RANBP17: variants seen among roughly 807,000 people sequenced by gnomAD.
RANBP17 encodes ran-binding protein 17.
In RANBP17, 158 loss-of-function variants were observed where a neutral mutation model predicts 141.2. The ratio of observed to expected loss-of-function variants is 1.12; its 90% CI spans 0.98 to 1.28. The LOEUF (loss-of-function observed/expected upper bound fraction) is 1.28. Among genes scored for constraint, RANBP17 ranks in the 50% most tolerant of loss-of-function variants. The pLI, the probability that RANBP17 is intolerant of heterozygous loss-of-function variation, is 0.00. For missense variants in RANBP17, 1,438 were observed against 1,290.7 expected (o/e 1.11, Z -1.75); for synonymous variants, 430 against 450.0 (o/e 0.96, Z 0.56).
chr5:170,941,893 C>G (rs1490038004), intron 12 of RANBP17, among the ~76,000 whole-genome samples: 1 of 152,114 alleles, frequency 6.6e-6, no homozygotes, highest in African/African-American at 2.4e-5. Flanking sequence ...ACCCATTGAC[C>G]TGACCCTTGA....
rs142830767 is a variant in RANBP17, at chr5:171,156,078, T to G, written c.1711-14052T>G. On this transcript the variant is annotated intron_variant, in intron 14 of 27. Transcript: ENST00000523189. ...TCATTAAGATTTTAAAAGCAATTCT[T>G]ATGGATATGTGAAGATAATATTCTT... Among the ~76,000 whole-genome samples, 1,029 of 152,190 alleles carry G rather than the reference T, an allele frequency of 6.8e-3. 10 individuals are homozygous for G. Among genetic ancestry groups the G allele is most frequent in the African/African-American group, 0.024 (993 of 41,556 alleles).
chr5:171,251,774 C>G, intron 24 of RANBP17: 1 of 1,061,832 alleles, frequency 9.4e-7, no homozygotes, highest in Non-Finnish European at 1.5e-6. Context: ...CGCGCCCGCC[C>G]CCGCCTCTGT....
At chr5:171,283,247 T>TA (rs1767958770) in intron 25 of RANBP17, among the ~76,000 whole-genome samples, 1 of 152,186 alleles carries the variant, frequency 6.6e-6, no homozygotes, top group Non-Finnish European at 1.5e-5. Context: ...CTATACTGTG[T>TA]ATCTCCTCCC....
At chr5:171,125,970 T>C (rs925901083) in intron 14 of RANBP17, among the ~76,000 whole-genome samples, 3 of 152,078 alleles carry the variant, frequency 2.0e-5, no homozygotes, top group African/African-American at 4.8e-5. Flanking sequence ...GTATTTTTAG[T>C]AGAGATGGAG....
intron 21 of RANBP17, among the ~76,000 whole-genome samples, chr5:171,214,700 C>CAG (rs1418499561): frequency 6.6e-6 from 1 of 152,074 alleles, no homozygotes; most frequent in Non-Finnish European, 1.5e-5. Context: ...AAGCCACTCT[C>CAG]ATAGGTGCCT....
intron 1 of RANBP17, among the ~76,000 whole-genome samples, chr5:170,864,297 G>T (rs1383940866): frequency 2.0e-5 from 3 of 152,194 alleles, no homozygotes; most frequent in Non-Finnish European, 4.4e-5. Flanking sequence ...GCAGATTTGT[G>T]TAGGGTGAGG....
At chr5:170,870,465 T>C (rs930905118) in intron 1 of RANBP17, among the ~76,000 whole-genome samples, 1 of 152,088 alleles carries the variant, frequency 6.6e-6, no homozygotes, top group Non-Finnish European at 1.5e-5. Context: ...TGAGAACATT[T>C]GGTGTTTGGT....
In RANBP17 at chr5:171,242,697, A is replaced by T. The variant is rs1764963279; in HGVS notation, c.2653A>T (p.Ser885Cys). The T allele has an allele frequency of 1.9e-6, 3 of 1,613,670 alleles. No individual in the cohort carries two copies. Among genetic ancestry groups the T allele is most frequent in the Non-Finnish European group, 2.5e-6 (3 of 1,179,864 alleles). ...TGTGTTGTAGCAATACCGGAAACTG[A>T]GCCAGTCTTATTATCCACTCCTGGA... The part of the protein sequence containing the change: ...HSDLLQYRKL[S>C]QSYYPLLECL... The change falls in exon 24 of 28, where the codon AGC becomes TGC. Residue 885 changes from serine (S) to cysteine (C), a missense_variant. By Grantham distance (112) the Ser-to-Cys change is moderately radical (BLOSUM62 -1). Transcript: ENST00000523189.
chr5:170,905,351 T>C (rs1770988834), intron 5 of RANBP17, among the ~76,000 whole-genome samples: 1 of 152,168 alleles, frequency 6.6e-6, no homozygotes, highest in Admixed American at 6.5e-5. Context: ...TGGGCATGCA[T>C]GTCCATGCAC....
intron 11 of RANBP17, among the ~76,000 whole-genome samples, chr5:170,923,321 G>A (rs1772629748): frequency 6.6e-6 from 1 of 152,096 alleles, no homozygotes; most frequent in Non-Finnish European, 1.5e-5. Flanking sequence ...CTGCATACAT[G>A]TAGTTCTATT....
chr5:171,073,094 G>A (rs1784722924), intron 14 of RANBP17, among the ~76,000 whole-genome samples: 1 of 152,100 alleles, frequency 6.6e-6, no homozygotes, highest in South Asian at 2.1e-4. Flanking sequence ...TAGAACTGTT[G>A]TTCTGTGTGG....
At chr5:171,037,045 G>A (rs1781926221) in intron 14 of RANBP17, among the ~76,000 whole-genome samples, 1 of 151,974 alleles carries the variant, frequency 6.6e-6, no homozygotes, top group Non-Finnish European at 1.5e-5. Flanking sequence ...ATTAATACAT[G>A]TTCCCCCCCA....
At chr5:170,959,247 CT>C (rs1189422515) in intron 13 of RANBP17, among the ~76,000 whole-genome samples, 2 of 152,176 alleles carry the variant, frequency 1.3e-5, no homozygotes, top group Non-Finnish European at 2.9e-5. Flanking sequence ...CTCCCAAACC[CT>C]GCTATTATAT....
At chr5:171,090,001 A>T (rs941509966) in intron 14 of RANBP17, among the ~76,000 whole-genome samples, 1 of 152,198 alleles carries the variant, frequency 6.6e-6, no homozygotes, top group Non-Finnish European at 1.5e-5. Context: ...CAGCAATGTG[A>T]AAATGGACCA....
At chr5:170,862,520 G>C (rs1298200328) in intron 1 of RANBP17, among the ~76,000 whole-genome samples, 1 of 152,216 alleles carries the variant, frequency 6.6e-6, no homozygotes, top group African/African-American at 2.4e-5. Flanking sequence ...TTGAGCCCCA[G>C]CCGGAGCGGG....
chr5:171,016,632 C>T (rs1484564013), intron 14 of RANBP17, among the ~76,000 whole-genome samples: 1 of 151,874 alleles, frequency 6.6e-6, no homozygotes, highest in Non-Finnish European at 1.5e-5. Flanking sequence ...GTGCTGCACC[C>T]ATTAACTCGT....
At chr5:171,062,059 A>T (rs537442234) in intron 14 of RANBP17, among the ~76,000 whole-genome samples, 106 of 151,540 alleles carry the variant, frequency 7.0e-4, no homozygotes, top group African/African-American at 2.5e-3. Flanking sequence ...GTGTCTCTGC[A>T]TGTGAGATGG....
chr5:170,931,480 C>T (rs1174213637), intron 12 of RANBP17, among the ~76,000 whole-genome samples: 3 of 152,140 alleles, frequency 2.0e-5, no homozygotes, highest in Non-Finnish European at 4.4e-5. Context: ...GAAGTCCTTG[C>T]CCATGCCTAT....
chr5:170,868,764 A>G (rs1581654141), intron 1 of RANBP17, among the ~76,000 whole-genome samples: 1 of 152,246 alleles, frequency 6.6e-6, no homozygotes, highest in East Asian at 1.9e-4. Flanking sequence ...TATTAATCAT[A>G]TTCTCAGATA....
Sources: allele counts gnomAD v4.1 joint callset (sites outside exome capture counted in the v4.1 genomes callset), GRCh38; gene constraint gnomAD v4.1.1; transcripts MANE v1.5; gene names NCBI Gene and HGNC (gene_info 2026-07-23, HGNC 2026-07-21).